The following WNT9B variants were observed in gnomAD, a reference collection of about 807,000 sequenced individuals.
WNT9B encodes Wnt family member 9B.
WNT9B carries 12 observed loss-of-function variants against 30.2 expected under a neutral mutation model. The ratio of observed to expected loss-of-function variants is 0.40; its 90% CI spans 0.26 to 0.64. The LOEUF (loss-of-function observed/expected upper bound fraction) is 0.64, where lower values mean the gene tolerates loss of function less well. WNT9B is among the 30% of genes least tolerant of loss of function. The probability of loss-of-function intolerance (pLI) is 0.42; values close to 1 mark genes in which losing one functional copy is unlikely to be tolerated. For missense variants in WNT9B, 442 were observed against 485.2 expected, an observed-to-expected ratio of 0.91 and a Z score of 0.84; for synonymous variants, 218 against 216.9, an observed-to-expected ratio of 1.01 and a Z score of -0.05.
intron 2 of WNT9B, among the ~76,000 whole-genome samples, chr17:46,874,730 AC>A (rs2085314261): frequency 6.6e-6 from 1 of 152,100 alleles, no homozygotes; most frequent in African/African-American, 2.4e-5. Context: ...GGCATGTACC[AC>A]CATGCCCGGC....
chr17:46,875,069 T>C (rs1279335698), intron 2 of WNT9B, 32 bp from the exon 3 acceptor site: 1 of 1,613,256 alleles, frequency 6.2e-7, no homozygotes, highest in Admixed American at 1.7e-5. Context: ...CCCCCTTTCC[T>C]CCCTCCCTAT....
chr17:46,881,176 G>T (rs576167732), downstream of WNT9B, among the ~76,000 whole-genome samples: 87 of 152,320 alleles, frequency 5.7e-4, 1 homozygote, highest in African/African-American at 1.7e-3. Flanking sequence ...GGCCTGCCCT[G>T]CCCCAGTTCT....
Position 46,876,483 on chromosome 17 carries a change from A to T in WNT9B, c.839A>T (p.Asp280Val). The T allele has an allele frequency of 6.2e-7, 1 of 1,613,622 alleles. No homozygotes were observed. Among genetic ancestry groups the T allele is most frequent in the Non-Finnish European group, 8.5e-7 (1 of 1,180,020 alleles). ...AAAGGCCTGGCCCCAAGGTCTGGGG[A>T]CCTGGTGTACATGGAGGACTCACCC... is the stretch of plus-strand genomic sequence containing the variant. Reference protein sequence around the residue: ...LTKGLAPRSGDLVYMEDSPSF... With the variant: ...LTKGLAPRSGVLVYMEDSPSF... The change falls in exon 4 of 4, where the codon GAC (aspartate) becomes GTC (valine). Residue 280 changes from aspartate (D) to valine (V), a missense_variant. Asp to Val is a radical substitution (Grantham distance 152, BLOSUM62 -3). Transcript: ENST00000290015.
chr17:46,851,563 C>T (rs1398132951), upstream of WNT9B: 3 of 841,160 alleles, frequency 3.6e-6, no homozygotes, highest in Non-Finnish European at 4.7e-6. This position sits in a 1 kb window ranked among gnomAD's most constrained non-coding sequence, Gnocchi z 4.3. Context: ...GTTTAAAGTC[C>T]CGCGGGCGGG....
intron 1 of WNT9B, among the ~76,000 whole-genome samples, chr17:46,853,413 C>T (rs2084888956): frequency 7.1e-6 from 1 of 141,572 alleles, no homozygotes; most frequent in Non-Finnish European, 1.5e-5. Flanking sequence ...CCTCTGTCAC[C>T]CAGGCTGGAG....
intron 1 of WNT9B, among the ~76,000 whole-genome samples, chr17:46,841,886 C>T (rs2084718507): frequency 6.6e-6 from 1 of 152,252 alleles, no homozygotes; most frequent in Non-Finnish European, 1.5e-5. Flanking sequence ...TCTTGCGCTC[C>T]TCTGCGGTGT....
intron 1 of WNT9B, among the ~76,000 whole-genome samples, chr17:46,868,752 C>T (rs114374147): frequency 5.3e-5 from 8 of 152,292 alleles, no homozygotes; most frequent in African/African-American, 1.9e-4. Flanking sequence ...CAGAGGGACC[C>T]AGTGAGTGGT....
At chr17:46,849,129 G>A (rs1158931341), upstream of WNT9B, among the ~76,000 whole-genome samples, 4 of 152,208 alleles carry the variant, frequency 2.6e-5, no homozygotes, top group East Asian at 7.7e-4. Context: ...AACATCAGGA[G>A]GAGGGAACCC....
chr17:46,875,310 G>A lies in WNT9B; in HGVS notation c.544G>A (p.Gly182Arg). 2 of 1,613,710 alleles carry A rather than the reference G, an allele frequency of 1.2e-6. No homozygotes were observed. Among genetic ancestry groups the A allele is most frequent in the Non-Finnish European group, 1.7e-6 (2 of 1,179,640 alleles). ...GAGCAACTTCCTGGGGTCCAAGAGA[G>A]GAAACAAGGACCTGCGGGCACGGGC... ...FLSNFLGSKR[G>R]NKDLRARADA... Residue 182 changes from glycine to arginine, a missense_variant, in exon 3 of 4, where the codon GGA (glycine) becomes AGA (arginine). Transcript: ENST00000290015.
intron 1 of WNT9B, among the ~76,000 whole-genome samples, chr17:46,852,609 T>A (rs1185327694): frequency 6.6e-6 from 1 of 151,954 alleles, no homozygotes; most frequent in Non-Finnish European, 1.5e-5. Flanking sequence ...TTGCAGGGAT[T>A]TGGTGAGGGA....
rs867872276 is a variant in WNT9B at position 46,879,363 on chromosome 17, G to T, written c.*2645G>T. Among the ~76,000 whole-genome samples the T allele has an allele frequency of 6.6e-6, 1 of 152,170 alleles. No individual in the cohort carries two copies. The highest frequency in any genetic ancestry group is 1.5e-5 in the Non-Finnish European group (1 of 68,028). ...ACATGTCCGCTCTGTGATGAGCCCT[G>T]GTGGGCTCCATCCAGACCCTCCTTG... is the stretch of plus-strand genomic sequence containing the variant. On this transcript the variant is annotated 3_prime_UTR_variant, in exon 4 of 4. Coordinates refer to ENST00000290015, the MANE Select transcript of WNT9B (RefSeq NM_003396.3).
Position 46,876,791 on chromosome 17 carries a change from C to T in WNT9B, c.*73C>T. 6.8e-7 allele frequency: 1 copy of T among 1,464,906 alleles called. No homozygotes were observed. Among genetic ancestry groups the T allele is most frequent in the Non-Finnish European group, 9.1e-7 (1 of 1,104,834 alleles). The allele number at this position is 1,464,906 out of a possible 1,614,324, so 90.7% of individuals were successfully genotyped here. The stretch of plus-strand genomic sequence containing the variant: ...CACCCTTCAAGCTGCCCAGCCGGCC[C>T]TCTGGGCAGACTGTCATCACATGCA... On this transcript the variant is annotated 3_prime_UTR_variant, in exon 4 of 4. Transcript: ENST00000290015.
chr17:46,886,164 A>T (rs545025273), exon 5 of WNT9B: 3 of 152,388 alleles, frequency 2.0e-5, no homozygotes, highest in Admixed American at 6.5e-5. Flanking sequence ...AGTGCTGGGG[A>T]CATAGCCAGT....
In WNT9B at chr17:46,851,748, C is replaced by T. The variant is rs375992698; in HGVS notation, c.77+33C>T. On this transcript the variant is annotated intron_variant, in intron 1 of 3. Coordinates refer to ENST00000290015, the MANE Select transcript of WNT9B (RefSeq NM_003396.3). This position sits in a 1 kb window ranked among gnomAD's most constrained non-coding sequence, Gnocchi z 4.3. ...CCCGCCGCGCCCCCCGCCCGCTCCC[C>T]GGCCTGCCTGTCTCTCCCTCCTGCG... 1.7e-6 allele frequency: 2 copies of T among 1,175,300 alleles called. No homozygotes were observed. Among genetic ancestry groups the T allele is most frequent in the Non-Finnish European group, 2.2e-6 (2 of 926,650 alleles). The allele number at this position is 1,175,300 out of a possible 1,614,324, so 72.8% of individuals were successfully genotyped here.
At chr17:46,857,587 T>C (rs574201130) in intron 1 of WNT9B, among the ~76,000 whole-genome samples, 17 of 152,320 alleles carry the variant, frequency 1.1e-4, no homozygotes, top group African/African-American at 3.8e-4. Context: ...TATGTTTTCA[T>C]TTCTCTTGGA....
intron 1 of WNT9B, among the ~76,000 whole-genome samples, chr17:46,856,255 G>A (rs1241420191): frequency 2.0e-5 from 3 of 152,150 alleles, no homozygotes; most frequent in African/African-American, 4.8e-5. Flanking sequence ...ATACCTATCT[G>A]AGAGGTGAGG....
chr17:46,847,949 C>T (rs930819957), upstream of WNT9B, among the ~76,000 whole-genome samples: 2 of 145,002 alleles, frequency 1.4e-5, no homozygotes, highest in Non-Finnish European at 3.0e-5. Context: ...TCAGCCTCAT[C>T]ATGTTTGTGA....
At chr17:46,868,240 T>G (rs1175189502) in intron 1 of WNT9B, among the ~76,000 whole-genome samples, 1 of 152,174 alleles carries the variant, frequency 6.6e-6, no homozygotes, top group African/African-American at 2.4e-5. Flanking sequence ...GAACCCTGGT[T>G]ACTTGTTTAA....
rs75865627 is a variant in WNT9B at position 46,844,675 on chromosome 17, A to G, written c.95+11235A>G. Among the ~76,000 whole-genome samples, 86 of 152,338 alleles carry G rather than the reference A, an allele frequency of 5.6e-4. 3 individuals carry two copies. The East Asian group carries it at 0.017, about 29-fold the overall frequency. On this transcript the variant is annotated intron_variant, in intron 1 of 2. Coordinates refer to the WNT9B transcript ENST00000575372. ...GAGTTTAGAGAGCAAGAACTTACTCAGATGAAAACAAACTAAAAGATGTTG... is the reference window on the plus strand; with the variant it reads ...GAGTTTAGAGAGCAAGAACTTACTCGGATGAAAACAAACTAAAAGATGTTG...
Sources: gnomAD v4.1 joint callset for allele counts (sites outside exome capture counted in the v4.1 genomes callset) on GRCh38, gnomAD v4.1.1 for gene constraint, Gnocchi (gnomAD v3.1) non-coding constraint, MANE v1.5 for transcripts, NCBI Gene and HGNC (gene_info 2026-07-23, HGNC 2026-07-21) for gene names.